The following DLG1 variants were observed in gnomAD, a reference collection of about 807,000 sequenced individuals.
DLG1 encodes the protein disks large homolog 1.
Under a neutral mutation model 123.4 loss-of-function variants are expected in DLG1, and 42 were observed. The observed-to-expected ratio is 0.34, with a 90% CI of 0.27 to 0.44. DLG1 has a LOEUF of 0.44. Ranked by LOEUF, DLG1 falls within the 20% of genes least tolerant of loss-of-function variation. The pLI is 1.00. For missense variants in DLG1, 942 were observed against 1,082.6 expected (o/e 0.87, Z 1.82); for synonymous variants, 317 against 356.2 (o/e 0.89, Z 1.24).
chr3:197,298,900 GT>G (rs1778666696), upstream of DLG1: 1 of 268,876 alleles, frequency 3.7e-6, no homozygotes, highest in African/African-American at 2.2e-5. Context: ...TTAATTCCGA[GT>G]ATGGTATACT....
chr3:197,084,959 G>GT (rs1211966626), intron 16 of DLG1, among the ~76,000 whole-genome samples: 1 of 151,248 alleles, frequency 6.6e-6, no homozygotes, highest in Non-Finnish European at 1.5e-5. Flanking sequence ...GGTAATTTTT[G>GT]TATTTTTAGT....
chr3:197,289,955 A>C (rs945213081), intron 3 of DLG1, among the ~76,000 whole-genome samples: 2 of 152,218 alleles, frequency 1.3e-5, no homozygotes, highest in Admixed American at 1.3e-4. Context: ...ACTAAAAGGA[A>C]CCAGAGCTTC....
intron 14 of DLG1, among the ~76,000 whole-genome samples, chr3:197,101,495 C>T (rs990939938): frequency 3.3e-5 from 5 of 151,766 alleles, no homozygotes; most frequent in Non-Finnish European, 7.4e-5. Flanking sequence ...ACGCCATTCT[C>T]CTGCCTCAGC....
At chr3:197,064,753 G>T (rs528431183) in intron 22 of DLG1, among the ~76,000 whole-genome samples, 1 of 151,914 alleles carries the variant, frequency 6.6e-6, no homozygotes, top group Admixed American at 6.5e-5. Context: ...AAAGTCTTTG[G>T]CCATAAAAAA....
chr3:197,198,567 G>C (rs1015973410), intron 4 of DLG1, among the ~76,000 whole-genome samples: 2 of 151,250 alleles, frequency 1.3e-5, no homozygotes, highest in African/African-American at 4.9e-5. Flanking sequence ...CTACTGTCCA[G>C]AATACATCTT....
At chr3:197,149,084 T>C (rs1447567253) in intron 6 of DLG1, among the ~76,000 whole-genome samples, 1 of 152,206 alleles carries the variant, frequency 6.6e-6, no homozygotes, top group Non-Finnish European at 1.5e-5. Flanking sequence ...AATCTACCTT[T>C]TTAAAGTATG....
chr3:197,297,702 C>T (rs1179398141), intron 1 of DLG1: 3 of 988,452 alleles, frequency 3.0e-6, no homozygotes, highest in Non-Finnish European at 3.6e-6. Flanking sequence ...CTCCGGGCTG[C>T]TCCAGCGGGG....
rs1386574269 is a variant in DLG1 at position 197,233,573 on chromosome 3, C to T, written c.319-38984G>A. Among the ~76,000 whole-genome samples, 3 of 152,112 alleles carry T rather than the reference C, an allele frequency of 2.0e-5. No individual in the cohort carries two copies. The South Asian group carries it at 6.2e-4, about 32-fold the overall frequency. On this transcript the variant is annotated intron_variant, in intron 4 of 24. Coordinates refer to ENST00000667157, the MANE Select transcript of DLG1 (RefSeq NM_001366207.1). ...GGCTTTTTTGTATTTTTGGTAGAGACGGGGTTTCACCATGTTGGCCAGGTT... is the reference window on the plus strand; with the variant it reads ...GGCTTTTTTGTATTTTTGGTAGAGATGGGGTTTCACCATGTTGGCCAGGTT...
At chr3:197,278,457 T>C in intron 4 of DLG1, among the ~76,000 whole-genome samples, 1 of 150,662 alleles carries the variant, frequency 6.6e-6, no homozygotes, top group South Asian at 2.1e-4. Context: ...GGTGACAGAG[T>C]GAGACACAGT....
chr3:197,130,321 TA>T (rs1448753633), intron 11 of DLG1, among the ~76,000 whole-genome samples: 1 of 151,876 alleles, frequency 6.6e-6, no homozygotes, highest in Non-Finnish European at 1.5e-5. Flanking sequence ...TATAAAATAA[TA>T]AAGGTGAAAA....
chr3:197,043,981 C>T lies in DLG1; in HGVS notation c.*642G>A, dbSNP rs543227581. On this transcript the variant is annotated 3_prime_UTR_variant, in exon 25 of 25. Coordinates refer to ENST00000667157, the MANE Select transcript of DLG1 (RefSeq NM_001366207.1). ...CTCAAGTAGATTAAAAACATTGAAA[C>T]GTTGTTATTCCTAGCAAATGTCCTG... 5 of 152,106 alleles carry T rather than the reference C, an allele frequency of 3.3e-5. No homozygotes were observed. The highest frequency in any genetic ancestry group is 2.1e-4 in the South Asian group (1 of 4,820). The allele number at this position is 152,106 out of a possible 1,614,324, so 9.4% of individuals were successfully genotyped here. A position where few individuals can be genotyped will look rare whatever the true frequency, so the allele number is the denominator to read the frequency against.
chr3:197,242,900 A>G (rs1157779414), intron 4 of DLG1, among the ~76,000 whole-genome samples: 1 of 152,164 alleles, frequency 6.6e-6, no homozygotes, highest in African/African-American at 2.4e-5. Flanking sequence ...CAGGAGTTCA[A>G]GATCCTGCAG....
chr3:197,138,980 T>C (rs1786515738), intron 8 of DLG1, among the ~76,000 whole-genome samples: 1 of 152,178 alleles, frequency 6.6e-6, no homozygotes, highest in South Asian at 2.1e-4. Flanking sequence ...AAAATAATTT[T>C]CTGAGTGCCT....
At chr3:197,051,121 C>G (rs1727313570) in intron 24 of DLG1, among the ~76,000 whole-genome samples, 1 of 152,168 alleles carries the variant, frequency 6.6e-6, no homozygotes, top group Non-Finnish European at 1.5e-5. Flanking sequence ...CCGCTGTAAT[C>G]CTAGCATTTT....
chr3:197,194,110 C>T lies in DLG1; in HGVS notation c.483+315G>A, dbSNP rs140957428. Among the ~76,000 whole-genome samples, 8 of 152,236 alleles carry T rather than the reference C, an allele frequency of 5.3e-5. No homozygotes were observed. In the East Asian group the frequency reaches 7.7e-4, roughly 15 times the overall value. ...GTGCTGGAAATGCACTGTTTCTATA[C>T]CAACTAATATTTAAAAACAAGTGTC... On this transcript the variant is annotated intron_variant, in intron 5 of 24. Coordinates refer to ENST00000667157, the MANE Select transcript of DLG1 (RefSeq NM_001366207.1).
At chr3:197,249,484 C>A (rs1242133956) in intron 4 of DLG1, among the ~76,000 whole-genome samples, 4 of 151,576 alleles carry the variant, frequency 2.6e-5, no homozygotes, top group Non-Finnish European at 5.9e-5. Context: ...AGCCCAGGAC[C>A]TAATGGCTTC....
rs575690881 is a variant in DLG1, at chr3:197,262,694, A to G, written c.318+19985T>C. On this transcript the variant is annotated intron_variant, in intron 4 of 24. Coordinates refer to ENST00000667157, the MANE Select transcript of DLG1 (RefSeq NM_001366207.1). ...GACACTGCCAGAACTGTATTTACGT[A>G]GAGACTACTACTACCTCCAAGCAGA... Among the ~76,000 whole-genome samples, 190 of 152,318 alleles carry G rather than the reference A, an allele frequency of 1.2e-3. 1 individual carries two copies. The highest frequency in any genetic ancestry group is 1.4e-3 in the Non-Finnish European group (96 of 68,028).
chr3:197,265,305 C>G (rs554985536), intron 4 of DLG1, among the ~76,000 whole-genome samples: 1 of 152,090 alleles, frequency 6.6e-6, no homozygotes, highest in Non-Finnish European at 1.5e-5. Context: ...CATAAACAAG[C>G]AATTGCTGCC....
intron 18 of DLG1, among the ~76,000 whole-genome samples, chr3:197,076,125 G>C (rs1245263526): frequency 6.6e-6 from 1 of 152,092 alleles, no homozygotes; most frequent in Admixed American, 6.6e-5. Context: ...ACCATTTCTT[G>C]CTATTTTAAA....
Sources: gnomAD v4.1 joint callset for allele counts (sites outside exome capture counted in the v4.1 genomes callset) on GRCh38, gnomAD v4.1.1 for gene constraint, MANE v1.5 for transcripts, NCBI Gene and HGNC (gene_info 2026-07-23, HGNC 2026-07-21) for gene names.